Variants in ARMC10 observed in about 807,000 individuals in gnomAD.
ARMC10 encodes armadillo repeat containing 10.
Under a neutral mutation model 30.2 loss-of-function variants are expected in ARMC10, and 23 were observed. The ratio of observed to expected loss-of-function variants is 0.76; its 90% confidence interval spans 0.55 to 1.08. The LOEUF (loss-of-function observed/expected upper bound fraction) is 1.08. Among genes scored for constraint, ARMC10 ranks in the 50% least tolerant of loss-of-function variants. The pLI is 0.00. For missense variants in ARMC10, 303 were observed against 413.7 expected (o/e 0.73, Z 2.32); for synonymous variants, 111 against 164.4 (o/e 0.68, Z 2.48).
chr7:103,075,438 G>A, intron 1 of ARMC10, 27 bp downstream of exon 1: 1 of 1,286,018 alleles, frequency 7.8e-7, no homozygotes, highest in African/African-American at 1.5e-5. Flanking sequence ...TCCGGCAGGT[G>A]GGCGGGGACT....
chr7:103,079,054 G>T (rs1403435230), intron 2 of ARMC10, among the ~76,000 whole-genome samples: 1 of 152,130 alleles, frequency 6.6e-6, no homozygotes, highest in Admixed American at 6.5e-5. Context: ...TGGTTTGAGA[G>T]CATTGAAAAA....
chr7:103,083,140 G>A (rs1800539490), intron 2 of ARMC10: 1 of 456,686 alleles, frequency 2.2e-6, no homozygotes. Context: ...GAGGTATATA[G>A]TATTTGCATG....
intron 2 of ARMC10, among the ~76,000 whole-genome samples, chr7:103,079,855 A>G (rs1045776063): frequency 4.6e-5 from 7 of 152,244 alleles, no homozygotes; most frequent in African/African-American, 1.7e-4. Context: ...TTTAAAAACT[A>G]GGAGTTCCTG....
At chr7:103,086,097 T>C (rs751562022) in intron 3 of ARMC10, among the ~76,000 whole-genome samples, 2 of 152,214 alleles carry the variant, frequency 1.3e-5, no homozygotes, top group Non-Finnish European at 2.9e-5. Flanking sequence ...ATGCTTACTC[T>C]TGTTATACTC....
In ARMC10 at chr7:103,098,357, G is replaced by A. The variant is rs774834954; in HGVS notation, c.836G>A (p.Arg279Gln). ...DSHVAKEILLRVLTLFQNIKN... is the reference protein window; with the variant it reads ...DSHVAKEILLQVLTLFQNIKN... Reference sequence around the variant, plus strand: ...CACGTAGCAAAGGAGATTCTTCTTCGAGTACTTACGCTATTTCAGAATATA... The same window carrying A: ...CACGTAGCAAAGGAGATTCTTCTTCAAGTACTTACGCTATTTCAGAATATA... The change falls in exon 7 of 7, where the codon CGA becomes CAA. Residue 279 changes from arginine to glutamine, a missense_variant. This residue lies in a region of ARMC10 where 26 missense variants were observed against 94.7 expected (regional missense o/e 0.27). Transcript: ENST00000323716. 1.4e-5 allele frequency: 22 copies of A among 1,612,104 alleles called. No homozygotes were observed. The highest frequency in any genetic ancestry group is 2.2e-5 in the East Asian group (1 of 44,802).
intron 5 of ARMC10, among the ~76,000 whole-genome samples, chr7:103,092,960 A>G (rs1394228944): frequency 6.6e-6 from 1 of 150,480 alleles, no homozygotes; most frequent in Non-Finnish European, 1.5e-5. Context: ...TATTTTGCTT[A>G]CCTCAGGGTT....
chr7:103,075,873 C>T lies in ARMC10; in HGVS notation c.236C>T (p.Ser79Leu). The change falls in exon 2 of 7, where the codon TCG (serine) becomes TTG (leucine). Residue 79 changes from serine to leucine, a missense_variant. By Grantham distance (145) the Ser-to-Leu change is moderately radical. Coordinates refer to ENST00000323716, the MANE Select transcript of ARMC10 (RefSeq NM_031905.5). ...GTWESQWSKTSQPEDLTDGSY... is the reference protein window; with the variant it reads ...GTWESQWSKTLQPEDLTDGSY... Reference sequence around the variant, plus strand: ...TGGGAGTCACAGTGGTCCAAGACCTCGCAGCCTGGTGTGTGTTTTGGAAAT... The same window carrying T: ...TGGGAGTCACAGTGGTCCAAGACCTTGCAGCCTGGTGTGTGTTTTGGAAAT... 6.3e-7 allele frequency: 1 copy of T among 1,598,536 alleles called. No homozygotes were observed. The highest frequency in any genetic ancestry group is 8.5e-7 in the Non-Finnish European group (1 of 1,171,614).
At chr7:103,096,347 C>T (rs968965953) in intron 5 of ARMC10, 4 of 152,052 alleles carry the variant, frequency 2.6e-5, no homozygotes, top group Non-Finnish European at 4.4e-5. Context: ...ATCAATCAAC[C>T]GATCTATCAG....
At chr7:103,095,939 T>TG (rs1801723396) in intron 5 of ARMC10, 1 of 46,536 alleles carries the variant, frequency 2.1e-5, no homozygotes, top group Admixed American at 2.7e-4. Context: ...TGTTGTGGGG[T>TG]GGGGGGAGGG....
chr7:103,082,329 TTGTG>T (rs1225189139), intron 2 of ARMC10, among the ~76,000 whole-genome samples: 2 of 151,562 alleles, frequency 1.3e-5, no homozygotes, highest in Non-Finnish European at 2.9e-5. Flanking sequence ...TTATTTATTT[TTGTG>T]TGTGTGTGTG....
Position 103,075,219 on chromosome 7 carries a change from C to G in ARMC10, c.-54C>G, listed in dbSNP as rs1000421039. 8.9e-7 allele frequency: 1 copy of G among 1,129,162 alleles called. No homozygotes were observed. The allele number at this position is 1,129,162 out of a possible 1,614,324, so 69.9% of individuals were successfully genotyped here. On this transcript the variant is annotated 5_prime_UTR_variant, in exon 1 of 7. Transcript: ENST00000323716. Reference sequence around the variant, plus strand: ...CGTGCGCTGGAGACCTCCGCGCTGGCCCCCGCGAGCCTCCTGCCCTGGCCC... The same window carrying G: ...CGTGCGCTGGAGACCTCCGCGCTGGGCCCCGCGAGCCTCCTGCCCTGGCCC...
chr7:103,086,495 A>T, intron 3 of ARMC10, 135 bp from the exon 4 acceptor site: 1 of 929,818 alleles, frequency 1.1e-6, no homozygotes, highest in Non-Finnish European at 1.6e-6. Flanking sequence ...AATATGAATT[A>T]AATATTTGTA....
chr7:103,085,266 A>C (rs973976736), intron 3 of ARMC10, among the ~76,000 whole-genome samples: 1 of 152,196 alleles, frequency 6.6e-6, no homozygotes, highest in Non-Finnish European at 1.5e-5. Context: ...ACAGTTAAAA[A>C]AAAAAAAAAC....
rs1354241686 is a variant in ARMC10, at chr7:103,099,509, A to G, written c.*956A>G. On this transcript the variant is annotated 3_prime_UTR_variant, in exon 7 of 7. Coordinates refer to ENST00000323716, the MANE Select transcript of ARMC10 (RefSeq NM_031905.5). The stretch of plus-strand genomic sequence containing the variant: ...AAATGATGGAGCTCCGAATGTGCTT[A>G]AGTGGAAAGATATCTATGAAATATG... 1 of 145,172 alleles carries G rather than the reference A, an allele frequency of 6.9e-6. No homozygotes were observed. Among genetic ancestry groups the G allele is most frequent in the African/African-American group, 2.5e-5 (1 of 40,218 alleles). 9.0% of individuals were successfully genotyped at this position (145,172 alleles called of 1,614,324 possible). A position where few individuals can be genotyped will look rare whatever the true frequency, so the allele number is the denominator to read the frequency against.
chr7:103,086,141 C>CAAAAA (rs1279208544), intron 3 of ARMC10, among the ~76,000 whole-genome samples: 5 of 152,076 alleles, frequency 3.3e-5, no homozygotes, highest in Non-Finnish European at 5.9e-5. Context: ...CATGGGAAAC[C>CAAAAA]ACCCCCCCTT....
chr7:103,087,619 T>G (rs1430705906), intron 4 of ARMC10: 1 of 197,222 alleles, frequency 5.1e-6, no homozygotes, highest in Non-Finnish European at 9.1e-6. Flanking sequence ...ACAAATCAGG[T>G]CAAGACAATC....
chr7:103,075,183 G>A lies in ARMC10; in HGVS notation c.-90G>A, dbSNP rs529402253. On this transcript the variant is annotated 5_prime_UTR_variant, in exon 1 of 7. Coordinates refer to ENST00000323716, the MANE Select transcript of ARMC10 (RefSeq NM_031905.5). The stretch of plus-strand genomic sequence containing the variant: ...CAGGTCAGGTGGCGTTTGCTGTGGC[G>A]GCTAGGCCCGCGTGCGCTGGAGACC... 2.1e-6 allele frequency: 2 copies of A among 969,360 alleles called. No homozygotes were observed. The highest frequency in any genetic ancestry group is 1.7e-5 in the African/African-American group (1 of 57,646). 60.0% of individuals were successfully genotyped at this position (969,360 alleles called of 1,614,324 possible). A position where few individuals can be genotyped will look rare whatever the true frequency, so the allele number is the denominator to read the frequency against.
intron 2 of ARMC10, among the ~76,000 whole-genome samples, chr7:103,078,213 T>C (rs924067728): frequency 1.3e-5 from 2 of 152,158 alleles, no homozygotes; most frequent in Non-Finnish European, 2.9e-5. Flanking sequence ...GGCCAGGTGA[T>C]GTGCCTGCCT....
At chr7:103,088,898 A>C (rs1005637128) in intron 4 of ARMC10, 2 of 153,256 alleles carry the variant, frequency 1.3e-5, no homozygotes, top group Non-Finnish European at 2.9e-5. Flanking sequence ...GTTTATTTCA[A>C]TGGTACCACT....
Sources: gnomAD v4.1 joint callset for allele counts (sites outside exome capture counted in the v4.1 genomes callset) on GRCh38, gnomAD v4.1.1 for gene constraint, gnomAD v4.1.1 regional missense constraint, MANE v1.5 for transcripts, NCBI Gene and HGNC (gene_info 2026-07-23, HGNC 2026-07-21) for gene names.